The following CTXND2 variants were observed in gnomAD, a reference collection of about 807,000 sequenced individuals.
The protein encoded by CTXND2 is cortexin domain containing 2.
At chr1:150,904,588 C>T (rs1669104549) in intron 1 of CTXND2, among the ~76,000 whole-genome samples, 1 of 152,080 alleles carries the variant, frequency 6.6e-6, no homozygotes, top group African/African-American at 2.4e-5. Context: ...TGGAGAAATT[C>T]CTTCACTGTC....
chr1:150,912,535 T>C (rs1282531948), exon 2 of CTXND2: 1 of 398,510 alleles, frequency 2.5e-6, no homozygotes, highest in Non-Finnish European at 4.4e-6. Flanking sequence ...AAATCTGTTA[T>C]ACACACTTTA....
intron 1 of CTXND2, among the ~76,000 whole-genome samples, chr1:150,909,401 A>G (rs1669210476): frequency 6.6e-6 from 1 of 151,842 alleles, no homozygotes; most frequent in African/African-American, 2.4e-5. Flanking sequence ...AAACAAACAA[A>G]AAACAATTAG....
intron 1 of CTXND2, among the ~76,000 whole-genome samples, chr1:150,905,182 T>A (rs1260739027): frequency 6.6e-6 from 1 of 150,776 alleles, no homozygotes; most frequent in African/African-American, 2.4e-5. Context: ...TTCATTCTGT[T>A]ACCCAGGCTG....
At chr1:150,908,391 A>G (rs1173620121) in intron 1 of CTXND2, among the ~76,000 whole-genome samples, 6 of 152,186 alleles carry the variant, frequency 3.9e-5, no homozygotes, top group Non-Finnish European at 5.9e-5. Context: ...CCAACCGTCA[A>G]TGAGGGTTTC....
chr1:150,897,121 T>C (rs963253973), intron 1 of CTXND2, among the ~76,000 whole-genome samples: 1 of 152,156 alleles, frequency 6.6e-6, no homozygotes, highest in African/African-American at 2.4e-5. Context: ...TCAAGAGCCT[T>C]GGAGCCCCAT....
rs140605445 is a variant in CTXND2 at position 150,906,647 on chromosome 1, C to T, written c.-73-5595C>T. Among the ~76,000 whole-genome samples, 247 of 152,214 alleles carry T rather than the reference C, an allele frequency of 1.6e-3. 3 individuals are homozygous for T. Among genetic ancestry groups the T allele is most frequent in the Middle Eastern group, 3.4e-3 (1 of 294 alleles). On this transcript the variant is annotated intron_variant, in intron 1 of 1. Coordinates refer to ENST00000636087, the Ensembl canonical transcript of CTXND2. ...GCTACAGAGATCTGAAAGTGGAAGG[C>T]CCACTGGAATAATCTGTGCTGGCAG...
At chr1:150,899,685 C>T (rs1236081552) in intron 1 of CTXND2, among the ~76,000 whole-genome samples, 1 of 152,080 alleles carries the variant, frequency 6.6e-6, no homozygotes, top group Non-Finnish European at 1.5e-5. Context: ...TGGCCTGATG[C>T]AGTGGCTCAT....
intron 1 of CTXND2, among the ~76,000 whole-genome samples, chr1:150,903,666 T>C (rs1186589804): frequency 6.6e-6 from 1 of 151,350 alleles, no homozygotes; most frequent in Non-Finnish European, 1.5e-5. Context: ...GGAATGGTGG[T>C]GGGCGCCTGT....
At chr1:150,900,186 A>G (rs1668982516) in intron 1 of CTXND2, among the ~76,000 whole-genome samples, 1 of 152,064 alleles carries the variant, frequency 6.6e-6, no homozygotes, top group Non-Finnish European at 1.5e-5. Flanking sequence ...CACTACCTTT[A>G]TGAGTTGTAA....
chr1:150,898,250 A>T (rs1337913646), intron 1 of CTXND2, among the ~76,000 whole-genome samples: 1 of 151,688 alleles, frequency 6.6e-6, no homozygotes, highest in Non-Finnish European at 1.5e-5. Flanking sequence ...AAGGTTATTT[A>T]TCTGCAGATG....
intron 1 of CTXND2, among the ~76,000 whole-genome samples, chr1:150,901,924 T>TAA (rs199515058): frequency 2.8e-5 from 4 of 142,080 alleles, no homozygotes; most frequent in African/African-American, 1.0e-4. Flanking sequence ...AGATTCCATC[T>TAA]AAAAAAAAAA....
At chr1:150,887,187 G>A (rs981078568) in exon 1 of CTXND2, 3 of 152,304 alleles carry the variant, frequency 2.0e-5, no homozygotes, top group Non-Finnish European at 4.4e-5. Context: ...AAGGGAGAGA[G>A]CTACCAACCA....
chr1:150,897,394 G>A (rs1668926435), intron 1 of CTXND2, among the ~76,000 whole-genome samples: 1 of 152,194 alleles, frequency 6.6e-6, no homozygotes, highest in African/African-American at 2.4e-5. Flanking sequence ...GCACAATATT[G>A]GCTCACTGCA....
In CTXND2 at chr1:150,908,346, G is replaced by A. The variant is rs587775370; in HGVS notation, c.-73-3896G>A. On this transcript the variant is annotated intron_variant, in intron 1 of 1. Coordinates refer to ENST00000636087, the Ensembl canonical transcript of CTXND2. ...TCATAATTTTAGGAACTTCCAGACT[G>A]TTTTCCAAAGTAACTTTGCCACTTT... 3.3e-5 allele frequency among the ~76,000 whole-genome samples: 5 copies of A among 152,190 alleles called. No individual in the cohort carries two copies. The South Asian group carries it at 1.0e-3, about 32-fold the overall frequency.
intron 1 of CTXND2, among the ~76,000 whole-genome samples, chr1:150,902,217 C>T (rs971543252): frequency 6.6e-5 from 10 of 151,918 alleles, no homozygotes; most frequent in African/African-American, 9.7e-5. Context: ...CTGGATAACA[C>T]AGTGAAACCC....
chr1:150,910,033 G>A (rs1669221518), intron 1 of CTXND2, among the ~76,000 whole-genome samples: 1 of 151,754 alleles, frequency 6.6e-6, no homozygotes, highest in Non-Finnish European at 1.5e-5. Context: ...AGGCCTGGTG[G>A]CCCTTTCCTG....
chr1:150,895,071 T>G (rs1668898928), intron 1 of CTXND2, among the ~76,000 whole-genome samples: 1 of 151,654 alleles, frequency 6.6e-6, no homozygotes, highest in South Asian at 2.1e-4. Context: ...ATATATATGA[T>G]GCTTTTTGTA....
intron 1 of CTXND2, among the ~76,000 whole-genome samples, chr1:150,907,070 T>C (rs1669159048): frequency 6.6e-6 from 1 of 152,210 alleles, no homozygotes; most frequent in Non-Finnish European, 1.5e-5. Context: ...TTCCTGATCC[T>C]GTACAATGCA....
chr1:150,897,841 T>C (rs1282420755), intron 1 of CTXND2, among the ~76,000 whole-genome samples: 2 of 152,180 alleles, frequency 1.3e-5, no homozygotes, highest in African/African-American at 2.4e-5. Context: ...CTGGACCACT[T>C]TTCTCTCATC....
Sources: gnomAD v4.1 joint callset for allele counts (sites outside exome capture counted in the v4.1 genomes callset) on GRCh38, gnomAD v4.1.1 for gene constraint, MANE v1.5 for transcripts, NCBI Gene and HGNC (gene_info 2026-07-23, HGNC 2026-07-21) for gene names.